GMDS: variants seen among roughly 807,000 people sequenced by gnomAD.
GMDS encodes the protein GDP-mannose 4,6 dehydratase.
In GMDS, 20 loss-of-function variants were observed where a neutral mutation model predicts 49.9. The ratio of observed to expected loss-of-function variants is 0.40; its 90% CI spans 0.28 to 0.58. GMDS has a LOEUF of 0.58. Among genes scored for constraint, GMDS ranks in the 20% least tolerant of loss-of-function variants. The pLI, the probability that GMDS is intolerant of heterozygous loss-of-function variation, is 0.42. For synonymous variants in GMDS, 177 were observed against 178.6 expected (o/e 0.99, Z 0.07); for missense variants, 362 against 481.4 (o/e 0.75, Z 2.32).
At chr6:2,152,325 CAATTAAATAA>C (rs1221088478) in intron 1 of GMDS, among the ~76,000 whole-genome samples, 1 of 151,884 alleles carries the variant, frequency 6.6e-6, no homozygotes, top group African/African-American at 2.4e-5. Flanking sequence ...CTAGCCAATG[CAATTAAATAA>C]AAGAAAGAAA....
chr6:2,015,030 A>T lies in GMDS; in HGVS notation c.346-54064T>A, dbSNP rs569512898. Among the ~76,000 whole-genome samples the T allele has an allele frequency of 5.6e-4, 85 of 152,280 alleles. 1 individual carries two copies. The highest frequency in any genetic ancestry group is 1.9e-3 in the African/African-American group (81 of 41,580). Reference sequence around the variant, plus strand: ...AAAACATAATAATCCTTAAGAAGTAAGCACCCTACAAAAGAACAACAAAAT... The same window carrying T: ...AAAACATAATAATCCTTAAGAAGTATGCACCCTACAAAAGAACAACAAAAT... On this transcript the variant is annotated intron_variant, in intron 4 of 10. Transcript: ENST00000380815.
chr6:1,848,470 C>T (rs188958244), intron 7 of GMDS, among the ~76,000 whole-genome samples: 49 of 152,210 alleles, frequency 3.2e-4, no homozygotes, highest in Non-Finnish European at 6.0e-4. Context: ...TGAAAACTCT[C>T]GTCACCTCTC....
chr6:1,870,667 ACT>A (rs145811791), intron 7 of GMDS, among the ~76,000 whole-genome samples: 65 of 152,056 alleles, frequency 4.3e-4, no homozygotes, highest in Admixed American at 9.8e-4. Flanking sequence ...CCTTATACGT[ACT>A]CTTTTTAATA....
At chr6:2,081,693 T>C (rs1772708602) in intron 4 of GMDS, among the ~76,000 whole-genome samples, 1 of 152,204 alleles carries the variant, frequency 6.6e-6, no homozygotes, top group Admixed American at 6.5e-5. Flanking sequence ...TTTGCTTTTG[T>C]AGGCCTCCTT....
chr6:1,875,955 T>C (rs1396232592), intron 7 of GMDS, among the ~76,000 whole-genome samples: 1 of 151,128 alleles, frequency 6.6e-6, no homozygotes, highest in Non-Finnish European at 1.5e-5. Flanking sequence ...AAGGCAGAGG[T>C]TGCGGTGAGC....
intron 1 of GMDS, among the ~76,000 whole-genome samples, chr6:2,142,631 C>T (rs918062508): frequency 3.3e-5 from 5 of 152,140 alleles, no homozygotes; most frequent in Admixed American, 1.3e-4. Context: ...GGACTTCCAG[C>T]CTCCAGAGCT....
At chr6:2,221,599 A>T (rs1054942603) in intron 1 of GMDS, among the ~76,000 whole-genome samples, 4 of 152,208 alleles carry the variant, frequency 2.6e-5, no homozygotes, top group Non-Finnish European at 5.9e-5. Context: ...CGTGTTAGCT[A>T]GGATGGTCTC....
chr6:1,697,632 A>G (rs1399550955), intron 9 of GMDS, among the ~76,000 whole-genome samples: 1 of 152,214 alleles, frequency 6.6e-6, no homozygotes, highest in Non-Finnish European at 1.5e-5. Context: ...ACTTGTTAGA[A>G]AAACAAATTT....
intron 6 of GMDS, among the ~76,000 whole-genome samples, chr6:1,951,084 T>G (rs1461758211): frequency 1.3e-5 from 2 of 152,074 alleles, no homozygotes; most frequent in Non-Finnish European, 2.9e-5. Context: ...CCACCCCTAG[T>G]TGAGAACCAC....
At chr6:1,692,262 G>T (rs1318059638) in intron 9 of GMDS, among the ~76,000 whole-genome samples, 1 of 152,234 alleles carries the variant, frequency 6.6e-6, no homozygotes, top group Admixed American at 6.5e-5. Context: ...TTGGGACTCG[G>T]ACTGGCTTCC....
At chr6:1,864,016 G>C (rs940200152) in intron 7 of GMDS, among the ~76,000 whole-genome samples, 4 of 152,092 alleles carry the variant, frequency 2.6e-5, no homozygotes, top group Admixed American at 6.5e-5. Flanking sequence ...ATTTCTCTAA[G>C]AGGGGTGGGT....
intron 4 of GMDS, among the ~76,000 whole-genome samples, chr6:2,008,178 A>T (rs1398641247): frequency 2.0e-5 from 3 of 152,212 alleles, no homozygotes; most frequent in Non-Finnish European, 4.4e-5. Context: ...CTTTCTCATC[A>T]TTTGATTAAG....
At chr6:2,169,831 C>G (rs114213379) in intron 1 of GMDS, among the ~76,000 whole-genome samples, 223 of 152,232 alleles carry the variant, frequency 1.5e-3, no homozygotes, top group African/African-American at 5.1e-3. Context: ...GTTACGTGTT[C>G]AGCTGGCAAG....
At chr6:2,015,016 A>G (rs1409971984) in intron 4 of GMDS, among the ~76,000 whole-genome samples, 1 of 152,164 alleles carries the variant, frequency 6.6e-6, no homozygotes, top group African/African-American at 2.4e-5. Flanking sequence ...AAACATAATA[A>G]TCCTTAAGAA....
At chr6:2,179,118 A>G (rs1346506603) in intron 1 of GMDS, among the ~76,000 whole-genome samples, 7 of 152,256 alleles carry the variant, frequency 4.6e-5, no homozygotes, top group African/African-American at 1.7e-4. Flanking sequence ...GCACATGAGC[A>G]TCGTAAACAC....
At chr6:1,868,290 C>T (rs555895599) in intron 7 of GMDS, among the ~76,000 whole-genome samples, 2 of 152,296 alleles carry the variant, frequency 1.3e-5, no homozygotes, top group South Asian at 2.1e-4. Context: ...CGGCCCTCAA[C>T]AGCTGTTCTG....
intron 7 of GMDS, among the ~76,000 whole-genome samples, chr6:1,850,113 A>G (rs1474710191): frequency 6.6e-6 from 1 of 152,064 alleles, no homozygotes; most frequent in Non-Finnish European, 1.5e-5. Context: ...ATGCAATCTC[A>G]TGGGTCTTCT....
In GMDS at chr6:2,115,861, G is replaced by A. The variant is rs559578857; in HGVS notation, c.255C>T (p.Gly85=). 53 of 1,592,224 alleles carry A rather than the reference G, an allele frequency of 3.3e-5. No individual in the cohort carries two copies. The East Asian group carries it at 6.7e-4, about 20-fold the overall frequency. ...CAAGGCAGGTACTGTCAGTGAGATC[G>A]CCATAGTGCAACTTCATGTCTTCAG... The part of the protein sequence containing the change: ...HIEGNMKLHY[G]DLTDSTCLVK... The change falls in exon 4 of 11, where the codon GGC becomes GGT. Residue 85 remains glycine (G), a synonymous_variant. Coordinates refer to ENST00000380815, the MANE Select transcript of GMDS (RefSeq NM_001500.4).
At chr6:1,670,483 C>T (rs2246345) in intron 9 of GMDS, among the ~76,000 whole-genome samples, 28,695 of 150,878 alleles carry the variant, frequency 0.19, 3,113 homozygotes, top group East Asian at 0.49. Context: ...GACTCATGAA[C>T]GGTAACTAAT....
Sources: allele counts gnomAD v4.1 joint callset (sites outside exome capture counted in the v4.1 genomes callset), GRCh38; gene constraint gnomAD v4.1.1; transcripts MANE v1.5; gene names NCBI Gene and HGNC (gene_info 2026-07-23, HGNC 2026-07-21).